Variants in KIAA0825 observed in about 807,000 individuals in gnomAD.
The protein encoded by KIAA0825 is uncharacterized protein KIAA0825.
A neutral mutation model predicts 147.6 loss-of-function variants in KIAA0825; 119 were observed. That is an observed-to-expected ratio of 0.81 (90% CI 0.69 to 0.94). The LOEUF (loss-of-function observed/expected upper bound fraction) is 0.94, where lower values mean the gene tolerates loss of function less well. Ranked by LOEUF, KIAA0825 falls within the 40% of genes least tolerant of loss-of-function variation. The pLI, the probability that KIAA0825 is intolerant of heterozygous loss-of-function variation, is 0.00. For synonymous variants in KIAA0825, 470 were observed against 518.1 expected (o/e 0.91, Z 1.26); for missense variants, 1,381 against 1,472.7 (o/e 0.94, Z 1.02).
At chr5:94,351,586 C>A (rs1419137608) in intron 20 of KIAA0825, among the ~76,000 whole-genome samples, 2 of 152,028 alleles carry the variant, frequency 1.3e-5, no homozygotes, top group South Asian at 2.1e-4. Context: ...TTAGAAAAAA[C>A]AATTCTAAAA....
intron 1 of KIAA0825, 55 bp downstream of exon 1, chr5:94,618,445 G>C (rs1471276264): frequency 6.6e-6 from 1 of 152,526 alleles, no homozygotes; most frequent in African/African-American, 2.4e-5. Context: ...GCTGCACAGA[G>C]CCCCGGCCAG....
At chr5:94,317,496 T>C (rs1297319712) in intron 20 of KIAA0825, among the ~76,000 whole-genome samples, 3 of 151,838 alleles carry the variant, frequency 2.0e-5, no homozygotes, top group Non-Finnish European at 4.4e-5. Flanking sequence ...TAAACACACA[T>C]TGTTACTGAA....
At chr5:94,244,841 G>A (rs984919302) in intron 20 of KIAA0825, among the ~76,000 whole-genome samples, 1 of 152,004 alleles carries the variant, frequency 6.6e-6, no homozygotes, top group African/African-American at 2.4e-5. Flanking sequence ...TATTCTATAT[G>A]GTATCCATTG....
chr5:94,522,137 C>G (rs1768335619), intron 4 of KIAA0825, among the ~76,000 whole-genome samples: 1 of 151,682 alleles, frequency 6.6e-6, no homozygotes, highest in South Asian at 2.1e-4. Flanking sequence ...AATTTACACA[C>G]AAGGACTCTA....
chr5:94,172,543 A>C (rs1038747004), intron 20 of KIAA0825, among the ~76,000 whole-genome samples: 14 of 152,216 alleles, frequency 9.2e-5, no homozygotes, highest in African/African-American at 3.4e-4. Context: ...TTAGTTGGTT[A>C]GTTCTGGCTC....
chr5:94,263,925 C>T (rs973417252), intron 20 of KIAA0825, among the ~76,000 whole-genome samples: 1 of 152,260 alleles, frequency 6.6e-6, no homozygotes, highest in South Asian at 2.1e-4. Flanking sequence ...ATCATTGGTA[C>T]CTGAATCTAG....
chr5:94,278,528 G>A (rs1777319107), intron 20 of KIAA0825, among the ~76,000 whole-genome samples: 1 of 152,030 alleles, frequency 6.6e-6, no homozygotes, highest in Non-Finnish European at 1.5e-5. Flanking sequence ...TTGTGATAAG[G>A]GATTTTTTAA....
At chr5:94,300,999 G>A (rs1336412581) in intron 20 of KIAA0825, among the ~76,000 whole-genome samples, 1 of 152,146 alleles carries the variant, frequency 6.6e-6, no homozygotes, top group Non-Finnish European at 1.5e-5. Flanking sequence ...GGATTAATAG[G>A]TGGATGATAG....
chr5:94,319,845 C>T (rs1779996875), intron 20 of KIAA0825, among the ~76,000 whole-genome samples: 1 of 151,868 alleles, frequency 6.6e-6, no homozygotes, highest in Non-Finnish European at 1.5e-5. Context: ...CCAACACCTT[C>T]CAAAGACTTG....
At chr5:94,208,008 G>A (rs1480625095) in intron 20 of KIAA0825, among the ~76,000 whole-genome samples, 1 of 151,956 alleles carries the variant, frequency 6.6e-6, no homozygotes, top group Non-Finnish European at 1.5e-5. Context: ...GTTTTTTTAA[G>A]CCCATGAATA....
intron 12 of KIAA0825, among the ~76,000 whole-genome samples, chr5:94,457,810 A>G (rs1453804937): frequency 6.6e-6 from 1 of 152,176 alleles, no homozygotes; most frequent in African/African-American, 2.4e-5. Flanking sequence ...CCTCCCCAGG[A>G]GAAACGGGTC....
At chr5:94,187,058 T>C (rs1027795525) in intron 20 of KIAA0825, among the ~76,000 whole-genome samples, 1 of 152,060 alleles carries the variant, frequency 6.6e-6, no homozygotes, top group Non-Finnish European at 1.5e-5. Flanking sequence ...CTGAAATTGA[T>C]AGTGAATAAA....
At chr5:94,351,571 C>A (rs922433611) in intron 20 of KIAA0825, among the ~76,000 whole-genome samples, 3 of 152,238 alleles carry the variant, frequency 2.0e-5, no homozygotes, top group Non-Finnish European at 2.9e-5. Flanking sequence ...TCATTCTTCA[C>A]AGAATTAGAA....
intron 12 of KIAA0825, among the ~76,000 whole-genome samples, chr5:94,460,417 C>T (rs894448719): frequency 3.9e-5 from 6 of 152,060 alleles, no homozygotes; most frequent in Non-Finnish European, 5.9e-5. Flanking sequence ...CCAGGGATTT[C>T]GTGGTCCTAC....
At chr5:94,512,775 T>C (rs1045400953) in intron 5 of KIAA0825, among the ~76,000 whole-genome samples, 1 of 152,046 alleles carries the variant, frequency 6.6e-6, no homozygotes, top group African/African-American at 2.4e-5. Context: ...CAGGAGCCTG[T>C]AGTCCCAGCT....
intron 20 of KIAA0825, among the ~76,000 whole-genome samples, chr5:94,382,264 T>C (rs930796355): frequency 1.3e-5 from 2 of 152,188 alleles, no homozygotes; most frequent in Admixed American, 6.5e-5. Context: ...CAGAGTTCTA[T>C]GGTCTAATTT....
intron 20 of KIAA0825, among the ~76,000 whole-genome samples, chr5:94,332,533 T>C (rs34631244): frequency 0.11 from 17,219 of 152,192 alleles, 998 homozygotes; most frequent in Non-Finnish European, 0.12. Context: ...CCTTTATCCA[T>C]GTCCCTGCAA....
chr5:94,182,255 T>TTTTTTTTTTTTTTG (rs1769712318), intron 20 of KIAA0825, among the ~76,000 whole-genome samples: 1 of 84,902 alleles, frequency 1.2e-5, no homozygotes, highest in Non-Finnish European at 2.4e-5. Context: ...CCCTTCTTTT[T>TTTTTTTTTTTTTTG]TTTTTTTTTT....
chr5:94,370,177 G>T (rs1746475068), intron 20 of KIAA0825, among the ~76,000 whole-genome samples: 1 of 151,740 alleles, frequency 6.6e-6, no homozygotes, highest in Non-Finnish European at 1.5e-5. Context: ...AAAAAAAAAA[G>T]GACAAACAAA....
Sources: allele counts gnomAD v4.1 joint callset (sites outside exome capture counted in the v4.1 genomes callset), GRCh38; gene constraint gnomAD v4.1.1; transcripts MANE v1.5; gene names NCBI Gene and HGNC (gene_info 2026-07-23, HGNC 2026-07-21).